Variants in HECW1 observed in about 807,000 individuals in gnomAD.
HECW1 encodes HECT, C2 and WW domain containing E3 ubiquitin protein ligase 1, also known as E3 ubiquitin-protein ligase HECW1.
Under a neutral mutation model 182.3 loss-of-function variants are expected in HECW1, and 61 were observed. The ratio of observed to expected loss-of-function variants is 0.33; its 90% CI spans 0.27 to 0.41. The LOEUF (loss-of-function observed/expected upper bound fraction) is 0.41. Ranked by LOEUF, HECW1 falls within the 10% of genes least tolerant of loss-of-function variation. HECW1 has a pLI of 1.00. For missense variants in HECW1, 1,739 were observed against 2,108.9 expected, an observed-to-expected ratio of 0.82 and a Z score of 3.44; for synonymous variants, 859 against 832.6, an observed-to-expected ratio of 1.03 and a Z score of -0.55.
intron 7 of HECW1, among the ~76,000 whole-genome samples, chr7:43,398,345 C>A (rs935195231): frequency 1.3e-5 from 2 of 152,188 alleles, no homozygotes; most frequent in African/African-American, 4.8e-5. Context: ...CTCAGGGCTT[C>A]ACACACTCAA....
chr7:43,542,329 A>G (rs2081393763), intron 26 of HECW1, among the ~76,000 whole-genome samples: 1 of 152,080 alleles, frequency 6.6e-6, no homozygotes. Context: ...ACTTAGCATA[A>G]TGTCCTCAAG....
chr7:43,171,943 T>C (rs190022969), intron 2 of HECW1, among the ~76,000 whole-genome samples: 285 of 152,262 alleles, frequency 1.9e-3, no homozygotes, highest in South Asian at 2.3e-3. Flanking sequence ...AAAAGATTTT[T>C]ACAGTTGCTC....
At chr7:43,275,894 AGT>A (rs1803080462) in intron 3 of HECW1, among the ~76,000 whole-genome samples, 1 of 152,306 alleles carries the variant, frequency 6.6e-6, no homozygotes, top group East Asian at 1.9e-4. Flanking sequence ...GGTGTTTTAT[AGT>A]GTCAGCTCTT....
chr7:43,232,276 T>C (rs370537062), intron 2 of HECW1, among the ~76,000 whole-genome samples: 33 of 152,162 alleles, frequency 2.2e-4, no homozygotes, highest in African/African-American at 7.7e-4. Context: ...ACTGGTGAAC[T>C]ATAAGAACCC....
At position 43,444,647 on chromosome 7, in the gene HECW1, C is replaced by G. The variant is rs1014075287; in HGVS notation, c.1475C>G (p.Thr492Arg). 2 of 1,607,514 alleles carry G rather than the reference C, an allele frequency of 1.2e-6. No individual in the cohort carries two copies. Among genetic ancestry groups the G allele is most frequent in the Non-Finnish European group, 8.5e-7 (1 of 1,176,910 alleles). The change falls in exon 11 of 30, where the codon ACG (threonine) becomes AGG (arginine). Residue 492 changes from threonine (T) to arginine (R), a missense_variant. This residue lies in a region of HECW1 where 971 missense variants were observed against 1,029.1 expected (regional missense o/e 0.94). Transcript: ENST00000395891. This position sits in a 1 kb window ranked among gnomAD's most constrained non-coding sequence, Gnocchi z 4.3. ...TKEEPLEEEA[T>R]TQSRAGREEE... is the part of the protein sequence containing the mutation. Reference sequence around the variant, plus strand: ...GAGGAGCCCTTGGAGGAGGAAGCAACGACCCAGAGCCGGGCTGGAAGGGAA... The same window carrying G: ...GAGGAGCCCTTGGAGGAGGAAGCAAGGACCCAGAGCCGGGCTGGAAGGGAA...
intron 2 of HECW1, among the ~76,000 whole-genome samples, chr7:43,174,545 C>T (rs1016788383): frequency 2.0e-5 from 3 of 152,202 alleles, no homozygotes; most frequent in African/African-American, 7.2e-5. Flanking sequence ...GGACTAGCCC[C>T]TGAGCGAGGT....
intron 2 of HECW1, among the ~76,000 whole-genome samples, chr7:43,162,564 A>G (rs1377233718): frequency 2.0e-5 from 3 of 152,234 alleles, no homozygotes; most frequent in African/African-American, 2.4e-5. Context: ...ACTCAATTAC[A>G]TATGCACCCT....
At chr7:43,241,957 G>A (rs970253823) in intron 2 of HECW1, among the ~76,000 whole-genome samples, 8 of 152,080 alleles carry the variant, frequency 5.3e-5, no homozygotes, top group Non-Finnish European at 8.8e-5. Flanking sequence ...CTCAGGTCAG[G>A]CAGCAGGGAC....
chr7:43,337,409 C>G (rs13236014), intron 5 of HECW1, among the ~76,000 whole-genome samples: 19,096 of 152,028 alleles, frequency 0.13, 1,646 homozygotes, highest in Non-Finnish European at 0.19. Flanking sequence ...TTTGAGTCAT[C>G]TGATATAGAC....
In HECW1 at chr7:43,444,168, C is replaced by T; in HGVS notation, c.1046-50C>T. ...CATGTCCCACAGGGTATCCTAACAC[C>T]ACAATGCTCTCTTCTGGGAGAAATG... On this transcript the variant is annotated intron_variant, in intron 10 of 29. Transcript: ENST00000395891. This position sits in a 1 kb window ranked among gnomAD's most constrained non-coding sequence, Gnocchi z 4.3. 1.3e-6 allele frequency: 2 copies of T among 1,539,658 alleles called. No individual in the cohort carries two copies. Among genetic ancestry groups the T allele is most frequent in the Non-Finnish European group, 1.8e-6 (2 of 1,136,432 alleles).
chr7:43,444,118 G>T lies in HECW1; in HGVS notation c.1046-100G>T. ...ATCAACCTACATTCAATATCCTAAT[G>T]TAGAAATCCCTTAGTGATGGCTTAC... On this transcript the variant is annotated intron_variant, in intron 10 of 29. Coordinates refer to ENST00000395891, the MANE Select transcript of HECW1 (RefSeq NM_015052.5). This position sits in a 1 kb window ranked among gnomAD's most constrained non-coding sequence, Gnocchi z 4.3. 8.2e-7 allele frequency: 1 copy of T among 1,222,158 alleles called. No homozygotes were observed. The highest frequency in any genetic ancestry group is 1.1e-6 in the Non-Finnish European group (1 of 880,864). The allele number at this position is 1,222,158 out of a possible 1,614,324, so 75.7% of individuals were successfully genotyped here.
At chr7:43,228,137 C>A (rs1797586649) in intron 2 of HECW1, among the ~76,000 whole-genome samples, 1 of 152,020 alleles carries the variant, frequency 6.6e-6, no homozygotes, top group Admixed American at 6.6e-5. Flanking sequence ...GCCAGATACA[C>A]AAAATTAAAA....
chr7:43,393,048 A>G (rs1351419633), intron 6 of HECW1, among the ~76,000 whole-genome samples: 2 of 152,220 alleles, frequency 1.3e-5, no homozygotes, highest in African/African-American at 2.4e-5. Flanking sequence ...GAGCTTCTCA[A>G]TACCCTGCAG....
chr7:43,550,516 C>T lies in HECW1; in HGVS notation c.4320C>T (p.Ile1440=), dbSNP rs371997052. 1.1e-5 allele frequency: 18 copies of T among 1,614,018 alleles called. No individual in the cohort carries two copies. In the East Asian group the frequency reaches 2.9e-4, roughly 26 times the overall value. Reference sequence around the variant, plus strand: ...CGGAGAAAAACAAGAAGGAGTACATCGAGCGCATGGTGAAGTGGCGGGTGG... The same window carrying T: ...CGGAGAAAAACAAGAAGGAGTACATTGAGCGCATGGTGAAGTGGCGGGTGG... ...QVTEKNKKEY[I]ERMVKWRVER... Residue 1440 remains isoleucine, a synonymous_variant, in exon 27 of 30, where the codon ATC becomes ATT. Coordinates refer to ENST00000395891, the MANE Select transcript of HECW1 (RefSeq NM_015052.5).
chr7:43,126,851 G>A (rs1427400810), intron 2 of HECW1, among the ~76,000 whole-genome samples: 1 of 152,202 alleles, frequency 6.6e-6, no homozygotes, highest in African/African-American at 2.4e-5. Context: ...GGGACATCAT[G>A]AACTGCACAC....
At chr7:43,274,259 G>A (rs1486867313) in intron 3 of HECW1, 7 of 882,592 alleles carry the variant, frequency 7.9e-6, no homozygotes, top group Admixed American at 7.4e-5. Context: ...GAATCTTTGC[G>A]CCTAAATCAT....
intron 3 of HECW1, 142 bp from the exon 4 acceptor site, chr7:43,311,621 T>C (rs1206561619): frequency 2.4e-6 from 2 of 817,404 alleles, no homozygotes; most frequent in Admixed American, 3.4e-5. Context: ...AGGAAGATGC[T>C]CTATGCCATG....
chr7:43,546,628 AAC>A (rs1269299421), intron 26 of HECW1, among the ~76,000 whole-genome samples: 46 of 108,614 alleles, frequency 4.2e-4, no homozygotes, highest in East Asian at 2.2e-3. Context: ...AAAAAAAAAA[AAC>A]AAACAAACTT....
intron 6 of HECW1, among the ~76,000 whole-genome samples, chr7:43,364,289 T>C (rs1816337737): frequency 6.6e-6 from 1 of 152,212 alleles, no homozygotes; most frequent in African/African-American, 2.4e-5. Context: ...ATCTTTGTCT[T>C]TGTCCCATGG....
Sources: allele counts gnomAD v4.1 joint callset (sites outside exome capture counted in the v4.1 genomes callset), GRCh38; gene constraint gnomAD v4.1.1; regional missense constraint gnomAD v4.1.1; non-coding constraint Gnocchi (gnomAD v3.1); transcripts MANE v1.5; gene names NCBI Gene and HGNC (gene_info 2026-07-23, HGNC 2026-07-21).